Variants in PABPC4L observed in about 807,000 individuals in gnomAD.
PABPC4L encodes polyadenylate-binding protein 4-like.
For synonymous variants in PABPC4L, 169 were observed against 164.1 expected, an observed-to-expected ratio of 1.03 and a Z score of -0.23; for missense variants, 452 against 451.4, an observed-to-expected ratio of 1.00 and a Z score of -0.01.
the PABPC4L span, among the ~76,000 whole-genome samples, chr4:134,088,023 CT>C: frequency 6.6e-6 from 1 of 152,078 alleles, no homozygotes; most frequent in African/African-American, 2.4e-5. Flanking sequence ...TTCAGTTTGG[CT>C]TCTTGTCTTA....
chr4:134,162,489 T>G, the PABPC4L span, among the ~76,000 whole-genome samples: 1 of 152,028 alleles, frequency 6.6e-6, no homozygotes, highest in Non-Finnish European at 1.5e-5. Context: ...AACACTGGAC[T>G]TAAACTGTAC....
At chr4:134,087,482 G>A in the PABPC4L span, among the ~76,000 whole-genome samples, 2 of 152,084 alleles carry the variant, frequency 1.3e-5, no homozygotes, top group African/African-American at 4.8e-5. Flanking sequence ...CCCAGCCATA[G>A]GGCAATTATA....
At chr4:134,034,340 T>G in the PABPC4L span, among the ~76,000 whole-genome samples, 4 of 151,860 alleles carry the variant, frequency 2.6e-5, no homozygotes, top group African/African-American at 9.7e-5. Flanking sequence ...CTGACCGAGA[T>G]GTACAAGGAA....
the PABPC4L span, among the ~76,000 whole-genome samples, chr4:134,162,016 A>C: frequency 6.6e-6 from 1 of 151,990 alleles, no homozygotes; most frequent in African/African-American, 2.4e-5. Context: ...TTAAGTTTTC[A>C]TCAGTTTAAA....
At chr4:134,081,878 T>G in the PABPC4L span, among the ~76,000 whole-genome samples, 1 of 152,148 alleles carries the variant, frequency 6.6e-6, no homozygotes. Flanking sequence ...AATATAATGC[T>G]TCTATTCATC....
At chr4:134,014,193 G>A in the PABPC4L span, among the ~76,000 whole-genome samples, 26 of 152,022 alleles carry the variant, frequency 1.7e-4, no homozygotes, top group Non-Finnish European at 2.9e-4. Context: ...ATCTGCTCCC[G>A]ACATTAAATA....
At chr4:133,976,957 C>T in the PABPC4L span, among the ~76,000 whole-genome samples, 1 of 152,024 alleles carries the variant, frequency 6.6e-6, no homozygotes, top group Non-Finnish European at 1.5e-5. Context: ...GTTAGAATTG[C>T]TTTTGGTGAT....
At chr4:134,125,580 A>G in the PABPC4L span, among the ~76,000 whole-genome samples, 1 of 152,160 alleles carries the variant, frequency 6.6e-6, no homozygotes, top group African/African-American at 2.4e-5. Flanking sequence ...AAATTAAAAG[A>G]TCATTATTAC....
At chr4:134,145,948 CA>C in the PABPC4L span, among the ~76,000 whole-genome samples, 1 of 151,880 alleles carries the variant, frequency 6.6e-6, no homozygotes, top group Non-Finnish European at 1.5e-5. Context: ...GCTCACCTCA[CA>C]ATGTGTTGAA....
At chr4:134,184,154 C>A in the PABPC4L span, among the ~76,000 whole-genome samples, 1 of 151,850 alleles carries the variant, frequency 6.6e-6, no homozygotes, top group Non-Finnish European at 1.5e-5. Flanking sequence ...ACTAATGGAA[C>A]AGAAACCAGA....
chr4:134,022,572 T>G, the PABPC4L span, among the ~76,000 whole-genome samples: 22,728 of 148,124 alleles, frequency 0.15, 2,002 homozygotes, highest in Non-Finnish European at 0.2. Context: ...ATTAGTTTAG[T>G]TTTTTTTTTA....
chr4:134,154,767 T>A, the PABPC4L span, among the ~76,000 whole-genome samples: 2 of 151,732 alleles, frequency 1.3e-5, no homozygotes, highest in African/African-American at 2.4e-5. Context: ...ATTTTTTTAA[T>A]TTTTAAAATT....
At chr4:134,152,162 TC>T in the PABPC4L span, among the ~76,000 whole-genome samples, 5 of 152,042 alleles carry the variant, frequency 3.3e-5, no homozygotes, top group Non-Finnish European at 7.4e-5. Context: ...CACTCTTTTT[TC>T]TTAATGTTTC....
the PABPC4L span, among the ~76,000 whole-genome samples, chr4:134,054,339 TTTTTA>T: frequency 6.7e-6 from 1 of 148,714 alleles, no homozygotes; most frequent in African/African-American, 2.4e-5. Flanking sequence ...AATAAATTTT[TTTTTA>T]TTTTAAGTAT....
chr4:134,026,050 A>G, the PABPC4L span, among the ~76,000 whole-genome samples: 7 of 152,000 alleles, frequency 4.6e-5, no homozygotes, highest in African/African-American at 1.4e-4. Flanking sequence ...TAAAGCTTTT[A>G]TTTTTCCCCT....
chr4:134,004,055 G>A, the PABPC4L span, among the ~76,000 whole-genome samples: 1 of 151,836 alleles, frequency 6.6e-6, no homozygotes, highest in Non-Finnish European at 1.5e-5. Flanking sequence ...AAAACATAAG[G>A]AGAAACCTAC....
At chr4:134,121,464 A>G in the PABPC4L span, among the ~76,000 whole-genome samples, 3 of 151,668 alleles carry the variant, frequency 2.0e-5, no homozygotes, top group Non-Finnish European at 1.5e-5. Context: ...GTAGGGACAG[A>G]TCATATTGAT....
At chr4:134,000,088 G>T in the PABPC4L span, among the ~76,000 whole-genome samples, 1 of 151,958 alleles carries the variant, frequency 6.6e-6, no homozygotes, top group Non-Finnish European at 1.5e-5. Context: ...GTGTTTACAT[G>T]GAAATATTTT....
chr4:134,137,196 A>T, the PABPC4L span, among the ~76,000 whole-genome samples: 1 of 152,024 alleles, frequency 6.6e-6, no homozygotes. Context: ...CAGTATACAG[A>T]CATATTTGCA....
Sources: allele counts gnomAD v4.1 joint callset (sites outside exome capture counted in the v4.1 genomes callset), GRCh38; gene constraint gnomAD v4.1.1; transcripts MANE v1.5; gene names NCBI Gene and HGNC (gene_info 2026-07-23, HGNC 2026-07-21).